The following FOXJ3 variants were observed in gnomAD, a reference collection of about 807,000 sequenced individuals.
The protein encoded by FOXJ3 is forkhead box protein J3.
A neutral mutation model predicts 76.1 loss-of-function variants in FOXJ3; 22 were observed. The observed-to-expected ratio is 0.29, with a 90% CI of 0.21 to 0.41. FOXJ3 has a LOEUF of 0.41. Among genes scored for constraint, FOXJ3 ranks in the 10% least tolerant of loss-of-function variants. The probability of loss-of-function intolerance (pLI) is 1.00; values close to 1 mark genes in which losing one functional copy is unlikely to be tolerated. For missense variants in FOXJ3, 613 were observed against 762.1 expected, an observed-to-expected ratio of 0.80 and a Z score of 2.30; for synonymous variants, 269 against 261.2, an observed-to-expected ratio of 1.03 and a Z score of -0.29.
chr1:42,290,837 G>A (rs1653368703), intron 2 of FOXJ3, among the ~76,000 whole-genome samples: 1 of 152,016 alleles, frequency 6.6e-6, no homozygotes, highest in Non-Finnish European at 1.5e-5. Flanking sequence ...TTGGTAATTT[G>A]TAAATATGAA....
chr1:42,210,106 G>A (rs767245746), intron 5 of FOXJ3, among the ~76,000 whole-genome samples: 13 of 152,196 alleles, frequency 8.5e-5, no homozygotes, highest in African/African-American at 3.1e-4. Flanking sequence ...CGTGGGAGCT[G>A]AGTGGGGCTT....
intron 3 of FOXJ3, among the ~76,000 whole-genome samples, chr1:42,268,522 AT>A (rs1651640145): frequency 6.6e-6 from 1 of 152,148 alleles, no homozygotes; most frequent in South Asian, 2.1e-4. Context: ...GGTAGATTTA[AT>A]GCTTTAAAAA....
At chr1:42,195,719 T>C (rs1016703891) in intron 7 of FOXJ3, among the ~76,000 whole-genome samples, 5 of 152,266 alleles carry the variant, frequency 3.3e-5, no homozygotes, top group African/African-American at 9.6e-5. Flanking sequence ...GGTATGAACA[T>C]TGACTAGAAA....
At chr1:42,214,714 T>A (rs963456920) in intron 5 of FOXJ3, among the ~76,000 whole-genome samples, 3 of 152,196 alleles carry the variant, frequency 2.0e-5, no homozygotes, top group Non-Finnish European at 4.4e-5. Context: ...GCAATAGATG[T>A]GGAGTGCAGA....
At chr1:42,181,827 ACT>A (rs552236859) in intron 12 of FOXJ3, 88 bp downstream of exon 12, 122 of 761,432 alleles carry the variant, frequency 1.6e-4, no homozygotes, top group Middle Eastern at 3.5e-4. Flanking sequence ...ACACACACAC[ACT>A]CTCTCTCTCA....
chr1:42,232,279 G>A (rs1460858307), intron 4 of FOXJ3, among the ~76,000 whole-genome samples: 1 of 147,964 alleles, frequency 6.8e-6, no homozygotes, highest in Non-Finnish European at 1.5e-5. Context: ...TGTCTTTATA[G>A]CAGCATGATT....
chr1:42,251,736 T>G lies in FOXJ3; in HGVS notation c.444+13379A>C, dbSNP rs1650083098. Reference sequence around the variant, plus strand: ...TTTTTTTTTTTTTTTTTTTTTTTTTTGAGACGGAGTTTTGCTCTGTTGCCC... The same window carrying G: ...TTTTTTTTTTTTTTTTTTTTTTTTTGGAGACGGAGTTTTGCTCTGTTGCCC... On this transcript the variant is annotated intron_variant, in intron 4 of 12. Coordinates refer to ENST00000361346, the MANE Select transcript of FOXJ3 (RefSeq NM_014947.5). Among the ~76,000 whole-genome samples the G allele has an allele frequency of 1.1e-4, 10 of 90,200 alleles. No individual in the cohort carries two copies. The South Asian group carries it at 3.2e-3, about 28-fold the overall frequency. The allele number at this position is 90,200 out of a possible 152,430, so 59.2% of individuals were successfully genotyped here.
chr1:42,267,987 G>A (rs1215842123), intron 3 of FOXJ3, among the ~76,000 whole-genome samples: 1 of 151,988 alleles, frequency 6.6e-6, no homozygotes, highest in African/African-American at 2.4e-5. Context: ...AGAACTGTGT[G>A]ATGATAAATG....
At chr1:42,299,144 C>A in intron 2 of FOXJ3, among the ~76,000 whole-genome samples, 1 of 152,134 alleles carries the variant, frequency 6.6e-6, no homozygotes, top group Admixed American at 6.5e-5. Flanking sequence ...TCCATCTGGT[C>A]TACAGTTTAG....
intron 5 of FOXJ3, 105 bp from the exon 6 acceptor site, chr1:42,205,968 T>C (rs1033006867): frequency 4.6e-6 from 3 of 649,986 alleles, no homozygotes; most frequent in South Asian, 2.1e-5. Flanking sequence ...GTTTTGTGCT[T>C]TGTTTCTGAA....
intron 2 of FOXJ3, among the ~76,000 whole-genome samples, chr1:42,306,180 G>A (rs1570215343): frequency 6.6e-6 from 1 of 152,016 alleles, no homozygotes; most frequent in East Asian, 1.9e-4. Flanking sequence ...ATAAAATACA[G>A]GTACATCTGA....
At chr1:42,198,640 G>A (rs531661371) in intron 7 of FOXJ3, among the ~76,000 whole-genome samples, 23 of 152,256 alleles carry the variant, frequency 1.5e-4, no homozygotes, top group African/African-American at 5.5e-4. Flanking sequence ...TCCCCCCGTG[G>A]ATCCAAACTG....
At chr1:42,245,897 C>A (rs969901890) in intron 4 of FOXJ3, among the ~76,000 whole-genome samples, 6 of 152,094 alleles carry the variant, frequency 3.9e-5, no homozygotes, top group Non-Finnish European at 8.8e-5. Context: ...CATGACATGA[C>A]CTTACATCTA....
chr1:42,250,567 G>A (rs185079951), intron 4 of FOXJ3, among the ~76,000 whole-genome samples: 83 of 151,948 alleles, frequency 5.5e-4, no homozygotes, highest in East Asian at 3.9e-4. Flanking sequence ...CCAGTAGGCC[G>A]GGCACGTGGG....
chr1:42,241,863 A>G (rs1033554423), intron 4 of FOXJ3, among the ~76,000 whole-genome samples: 1 of 152,200 alleles, frequency 6.6e-6, no homozygotes, highest in African/African-American at 2.4e-5. Context: ...CAGGGTCTCA[A>G]GGACAGTAAC....
chr1:42,284,223 C>T (rs1652908639), intron 2 of FOXJ3, among the ~76,000 whole-genome samples: 1 of 152,170 alleles, frequency 6.6e-6, no homozygotes, highest in African/African-American at 2.4e-5. Context: ...CTAGCACACT[C>T]TCTTAAAGAT....
chr1:42,268,463 T>C (rs905384491), intron 3 of FOXJ3, among the ~76,000 whole-genome samples: 1 of 151,714 alleles, frequency 6.6e-6, no homozygotes. Context: ...CAAACAAAAA[T>C]GCAGATCACA....
At chr1:42,328,496 G>A (rs1482152195) in intron 1 of FOXJ3, among the ~76,000 whole-genome samples, 1 of 152,052 alleles carries the variant, frequency 6.6e-6, no homozygotes, top group Non-Finnish European at 1.5e-5. Flanking sequence ...AGACAGTGTG[G>A]TATTAATGTA....
intron 4 of FOXJ3, among the ~76,000 whole-genome samples, chr1:42,250,798 C>CAAA (rs61431089): frequency 6.7e-4 from 16 of 23,722 alleles, no homozygotes; most frequent in East Asian, 2.3e-3. Flanking sequence ...AACTCCATCT[C>CAAA]AAAAAAAAAA....
Sources: allele counts gnomAD v4.1 joint callset (sites outside exome capture counted in the v4.1 genomes callset), GRCh38; gene constraint gnomAD v4.1.1; transcripts MANE v1.5; gene names NCBI Gene and HGNC (gene_info 2026-07-23, HGNC 2026-07-21).